Variants in ATG5 observed in about 807,000 individuals in gnomAD.
ATG5 encodes autophagy related 5.
Under a neutral mutation model 36.5 loss-of-function variants are expected in ATG5, and 14 were observed. That is an observed-to-expected ratio of 0.38 (90% CI 0.25 to 0.60). ATG5 has a LOEUF of 0.60. Ranked by LOEUF, ATG5 falls within the 20% of genes least tolerant of loss-of-function variation. ATG5 has a pLI of 0.60. For missense variants in ATG5, 195 were observed against 326.7 expected, an observed-to-expected ratio of 0.60 and a Z score of 3.11; for synonymous variants, 95 against 101.5, an observed-to-expected ratio of 0.94 and a Z score of 0.38.
chr6:106,264,278 G>A (rs1779144010), intron 5 of ATG5, among the ~76,000 whole-genome samples: 1 of 152,046 alleles, frequency 6.6e-6, no homozygotes, highest in South Asian at 2.1e-4. Context: ...AAAAAAGTAT[G>A]AACACAAGAT....
At chr6:106,209,784 GGTAT>G (rs1233605419) in intron 6 of ATG5, among the ~76,000 whole-genome samples, 2 of 152,040 alleles carry the variant, frequency 1.3e-5, no homozygotes, top group Non-Finnish European at 2.9e-5. Context: ...CTAGATGAAG[GGTAT>G]GTAGATCTTT....
At chr6:106,205,562 G>A (rs911967340) in intron 6 of ATG5, among the ~76,000 whole-genome samples, 7 of 151,698 alleles carry the variant, frequency 4.6e-5, no homozygotes, top group African/African-American at 1.7e-4. Flanking sequence ...AAAACTAAAA[G>A]ATTAAAAATT....
intron 7 of ATG5, among the ~76,000 whole-genome samples, chr6:106,191,512 T>G (rs1229171524): frequency 6.6e-6 from 1 of 152,124 alleles, no homozygotes; most frequent in Admixed American, 6.5e-5. Context: ...CCATCATAAT[T>G]TATTAGTTTT....
chr6:106,267,966 GAACA>G (rs1387916906), intron 5 of ATG5, among the ~76,000 whole-genome samples: 1 of 152,004 alleles, frequency 6.6e-6, no homozygotes, highest in African/African-American at 2.4e-5. Flanking sequence ...AAAGCAATGG[GAACA>G]AAAACCAAAA....
intron 3 of ATG5, 111 bp downstream of exon 3, chr6:106,308,253 G>A (rs187485089): frequency 7.4e-5 from 66 of 890,162 alleles, no homozygotes; most frequent in Non-Finnish European, 8.1e-5. Context: ...GTATGAGCTA[G>A]ACTAATGACT....
At chr6:106,323,431 T>C (rs186757897) in intron 1 of ATG5, among the ~76,000 whole-genome samples, 3,201 of 151,838 alleles carry the variant, frequency 0.021, 101 homozygotes, top group African/African-American at 0.074. Flanking sequence ...CATGCCACTA[T>C]GCCCAGCTAA....
At chr6:106,315,448 G>A (rs1562271998) in intron 2 of ATG5, among the ~76,000 whole-genome samples, 1 of 152,030 alleles carries the variant, frequency 6.6e-6, no homozygotes, top group Non-Finnish European at 1.5e-5. Context: ...CTTAGAAAAG[G>A]GAAACAAAGC....
chr6:106,209,917 G>A (rs775832612), intron 6 of ATG5, among the ~76,000 whole-genome samples: 1 of 152,276 alleles, frequency 6.6e-6, no homozygotes, highest in East Asian at 1.9e-4. Flanking sequence ...CTGAGGACCT[G>A]TAGCATTTTG....
chr6:106,195,274 T>C (rs980867623), intron 7 of ATG5, among the ~76,000 whole-genome samples: 1 of 152,254 alleles, frequency 6.6e-6, no homozygotes, highest in South Asian at 2.1e-4. Flanking sequence ...ATAACTTTTA[T>C]GAAGTACTTT....
At chr6:106,249,437 C>T (rs1000609097) in intron 5 of ATG5, among the ~76,000 whole-genome samples, 14 of 152,152 alleles carry the variant, frequency 9.2e-5, no homozygotes, top group African/African-American at 3.1e-4. Context: ...ACTTCATTTG[C>T]TTTTACGGCT....
At chr6:106,217,121 A>T (rs1390375567) in intron 6 of ATG5, among the ~76,000 whole-genome samples, 1 of 152,090 alleles carries the variant, frequency 6.6e-6, no homozygotes, top group African/African-American at 2.4e-5. Flanking sequence ...AACAAATTTT[A>T]AAAAAATTAA....
At chr6:106,273,353 C>G (rs1353200667) in intron 5 of ATG5, among the ~76,000 whole-genome samples, 1 of 152,062 alleles carries the variant, frequency 6.6e-6, no homozygotes, top group East Asian at 1.9e-4. Context: ...TATCTATTTC[C>G]TTCTACCTAG....
chr6:106,229,487 G>C (rs1232319912), intron 6 of ATG5, among the ~76,000 whole-genome samples: 1 of 152,086 alleles, frequency 6.6e-6, no homozygotes. Flanking sequence ...AGGAGAGGGA[G>C]AGAGACAAAG....
At chr6:106,199,408 T>A (rs1776332563) in intron 7 of ATG5, among the ~76,000 whole-genome samples, 1 of 152,146 alleles carries the variant, frequency 6.6e-6, no homozygotes, top group Non-Finnish European at 1.5e-5. Context: ...GACACTTGCT[T>A]CAATACGGAT....
Position 106,279,826 on chromosome 6 carries a change from A to G in ATG5, c.316-3T>C. On this transcript the variant is annotated splice_polypyrimidine_tract_variant and splice_region_variant and intron_variant, in intron 4 of 7. Transcript: ENST00000369076. ...AGAAGGTCTTTTTCTGGAAAACTCTATCAAAGGAAAAAATATACATATAAA... is the reference window on the plus strand; with the variant it reads ...AGAAGGTCTTTTTCTGGAAAACTCTGTCAAAGGAAAAAATATACATATAAA... The G allele has an allele frequency of 2.0e-6, 3 of 1,483,550 alleles. No homozygotes were observed. The highest frequency in any genetic ancestry group is 1.8e-6 in the Non-Finnish European group (2 of 1,110,724). 91.9% of individuals were successfully genotyped at this position (1,483,550 alleles called of 1,614,324 possible). A position where few individuals can be genotyped will look rare whatever the true frequency, so the allele number is the denominator to read the frequency against.
chr6:106,229,042 C>CT (rs1419492038), intron 6 of ATG5, among the ~76,000 whole-genome samples: 1 of 152,282 alleles, frequency 6.6e-6, no homozygotes, highest in Non-Finnish European at 1.5e-5. Flanking sequence ...ACCTTCCCTT[C>CT]TGTCCCACAC....
intron 6 of ATG5, among the ~76,000 whole-genome samples, chr6:106,241,051 G>C (rs1489155138): frequency 1.3e-5 from 2 of 152,286 alleles, no homozygotes; most frequent in East Asian, 3.9e-4. Flanking sequence ...TACTCAGGAG[G>C]CTGAGGCAGG....
intron 5 of ATG5, among the ~76,000 whole-genome samples, chr6:106,277,676 T>C (rs889981327): frequency 6.6e-6 from 1 of 152,214 alleles, no homozygotes; most frequent in South Asian, 2.1e-4. Context: ...TAGCTGTGCA[T>C]GTTGGCACAT....
intron 5 of ATG5, among the ~76,000 whole-genome samples, chr6:106,268,190 A>G (rs1779300149): frequency 6.6e-6 from 1 of 152,238 alleles, no homozygotes; most frequent in Admixed American, 6.5e-5. Context: ...TTTACAAGAA[A>G]AAAAGAAACC....
Sources: allele counts gnomAD v4.1 joint callset (sites outside exome capture counted in the v4.1 genomes callset), GRCh38; gene constraint gnomAD v4.1.1; transcripts MANE v1.5; gene names NCBI Gene and HGNC (gene_info 2026-07-23, HGNC 2026-07-21).